The following SRSF6 variants were observed in gnomAD, a reference collection of about 807,000 sequenced individuals.
SRSF6 encodes serine and arginine rich splicing factor 6.
A neutral mutation model predicts 42.0 loss-of-function variants in SRSF6; 17 were observed. The ratio of observed to expected loss-of-function variants is 0.40; its 90% CI spans 0.28 to 0.61. The LOEUF (loss-of-function observed/expected upper bound fraction) is 0.61, where lower values mean the gene tolerates loss of function less well. Among genes scored for constraint, SRSF6 ranks in the 20% least tolerant of loss-of-function variants. The pLI, the probability that SRSF6 is intolerant of heterozygous loss-of-function variation, is 0.37. For missense variants in SRSF6, 379 were observed against 471.4 expected (o/e 0.80, Z 1.81); for synonymous variants, 204 against 166.7 (o/e 1.22, Z -1.72).
Position 43,462,598 on chromosome 20 carries a change from C to A in SRSF6, c.*1535C>A, listed in dbSNP as rs914172165. Reference sequence around the variant, plus strand: ...ATATTCTAGGGTTGGTTTGTAGATTCAAATAATCCAGAAATATACCTAATA... The same window carrying A: ...ATATTCTAGGGTTGGTTTGTAGATTAAAATAATCCAGAAATATACCTAATA... On this transcript the variant is annotated 3_prime_UTR_variant, in exon 6 of 6. Transcript: ENST00000244020. 1.3e-5 allele frequency: 2 copies of A among 152,026 alleles called. No homozygotes were observed. Among genetic ancestry groups the A allele is most frequent in the Non-Finnish European group, 2.9e-5 (2 of 68,012 alleles). 9.4% of individuals were successfully genotyped at this position (152,026 alleles called of 1,614,324 possible). A position where few individuals can be genotyped will look rare whatever the true frequency, so the allele number is the denominator to read the frequency against.
Position 43,463,118 on chromosome 20 carries a change from A to AC in SRSF6, c.*2055_*2056insC, listed in dbSNP as rs2017632420. The AC allele has an allele frequency of 6.5e-6, 1 of 152,760 alleles. No homozygotes were observed. The allele number at this position is 152,760 out of a possible 1,614,324, so 9.5% of individuals were successfully genotyped here. A position where few individuals can be genotyped will look rare whatever the true frequency, so the allele number is the denominator to read the frequency against. On this transcript the variant is annotated 3_prime_UTR_variant, in exon 6 of 6. Transcript: ENST00000244020. Reference sequence around the variant, plus strand: ...TCTTGTTAATAGGACATCATATGGTAATAGACTGGTTTGACTATATTGTTA... The same window carrying AC: ...TCTTGTTAATAGGACATCATATGGTACATAGACTGGTTTGACTATATTGTTA...
intron 2 of SRSF6, 120 bp from the exon 3 acceptor site, chr20:43,459,651 C>G: frequency 6.7e-7 from 1 of 1,494,486 alleles, no homozygotes; most frequent in African/African-American, 1.4e-5. Flanking sequence ...GAAGGTTTAG[C>G]AATATAATAG....
chr20:43,459,215 T>C (rs1337855257), intron 2 of SRSF6: 1 of 1,352,170 alleles, frequency 7.4e-7, no homozygotes, highest in South Asian at 1.1e-5. Context: ...TGATTGGCCT[T>C]GGCTTTTCCA....
chr20:43,460,200 A>G lies in SRSF6; in HGVS notation c.549A>G (p.Pro183=). 3.1e-6 allele frequency: 5 copies of G among 1,614,078 alleles called. No individual in the cohort carries two copies. The highest frequency in any genetic ancestry group is 3.4e-6 in the Non-Finnish European group (4 of 1,179,964). ...GRNIRLIEDK[P]RTSHRRSYSG... ...ATATTAGGCTTATTGAAGATAAGCC[A>G]CGCACAAGCCATAGGCGATCTTACT... The change falls in exon 4 of 6, where the codon CCA becomes CCG. Residue 183 remains proline (P), a synonymous_variant. Coordinates refer to ENST00000244020, the MANE Select transcript of SRSF6 (RefSeq NM_006275.6).
intron 2 of SRSF6, chr20:43,459,532 A>G (rs1299049446): frequency 1.5e-6 from 2 of 1,335,214 alleles, no homozygotes; most frequent in African/African-American, 3.0e-5. Context: ...AGCGAGGTAA[A>G]TCGAATAAAG....
intron 2 of SRSF6, 85 bp from the exon 3 acceptor site, chr20:43,459,682 TAAAA>T: frequency 1.9e-6 from 3 of 1,589,538 alleles, no homozygotes; most frequent in Non-Finnish European, 2.6e-6. Context: ...CTCCAGTAAA[TAAAA>T]GTTGATATGT....
chr20:43,458,585 C>G (rs2017538201), intron 2 of SRSF6, 76 bp downstream of exon 2: 2 of 1,374,686 alleles, frequency 1.5e-6, no homozygotes, highest in Non-Finnish European at 1.9e-6. Flanking sequence ...GCCTCCCAGC[C>G]CGGGCAGGCG....
rs1345780353 is a variant in SRSF6 at position 43,463,916 on chromosome 20, C to T, written c.*2853C>T. ...AAATACAATTTTATTTACAAATATA[C>T]ATGGTTGGACCATACCTTGGAATCT... is the stretch of plus-strand genomic sequence containing the variant. On this transcript the variant is annotated 3_prime_UTR_variant, in exon 6 of 6. Coordinates refer to ENST00000244020, the MANE Select transcript of SRSF6 (RefSeq NM_006275.6). The T allele has an allele frequency of 6.6e-6, 1 of 152,220 alleles. No homozygotes were observed. Among genetic ancestry groups the T allele is most frequent in the African/African-American group, 2.4e-5 (1 of 41,460 alleles). 9.4% of individuals were successfully genotyped at this position (152,220 alleles called of 1,614,324 possible).
chr20:43,459,645 G>T (rs2017552127), intron 2 of SRSF6, 126 bp from the exon 3 acceptor site: 22 of 1,482,642 alleles, frequency 1.5e-5, no homozygotes, highest in Non-Finnish European at 2.0e-5. Context: ...TGTGTCGAAG[G>T]TTTAGCAATA....
rs535363791 is a variant in SRSF6, at chr20:43,462,461, C to G, written c.*1398C>G. The G allele has an allele frequency of 2.0e-5, 3 of 152,284 alleles. No homozygotes were observed. In the South Asian group the frequency reaches 6.2e-4, roughly 32 times the overall value. The allele number at this position is 152,284 out of a possible 1,614,324, so 9.4% of individuals were successfully genotyped here. On this transcript the variant is annotated 3_prime_UTR_variant, in exon 6 of 6. Transcript: ENST00000244020. Reference sequence around the variant, plus strand: ...AAATCAAAATATAGATTAATTGGCTCAGCTTTAATACCTTTCTAGGAGGTG... The same window carrying G: ...AAATCAAAATATAGATTAATTGGCTGAGCTTTAATACCTTTCTAGGAGGTG...
chr20:43,458,494 A>G lies in SRSF6; in HGVS notation c.241A>G (p.Ser81Gly), dbSNP rs1395617711. 2.7e-6 allele frequency: 4 copies of G among 1,506,560 alleles called. No individual in the cohort carries two copies. Among genetic ancestry groups the G allele is most frequent in the Non-Finnish European group, 3.5e-6 (4 of 1,133,692 alleles). 93.3% of individuals were successfully genotyped at this position (1,506,560 alleles called of 1,614,324 possible). A position where few individuals can be genotyped will look rare whatever the true frequency, so the allele number is the denominator to read the frequency against. The part of the protein sequence containing the change: ...RGPRRDRDGY[S>G]YGSRSGGGGY... ...CCCGCGTCGCGATCGCGACGGCTACAGCTACGGAAGCCGCAGTGAGTCCCA... is the reference window on the plus strand; with the variant it reads ...CCCGCGTCGCGATCGCGACGGCTACGGCTACGGAAGCCGCAGTGAGTCCCA... Residue 81 changes from serine to glycine, a missense_variant, in exon 2 of 6, where the codon AGC (serine) becomes GGC (glycine). Coordinates refer to ENST00000244020, the MANE Select transcript of SRSF6 (RefSeq NM_006275.6).
chr20:43,457,956 C>A lies in SRSF6; in HGVS notation c.-78C>A. 6 of 1,253,706 alleles carry A rather than the reference C, an allele frequency of 4.8e-6. No homozygotes were observed. The highest frequency in any genetic ancestry group is 6.8e-6 in the Non-Finnish European group (6 of 877,130). 77.7% of individuals were successfully genotyped at this position (1,253,706 alleles called of 1,614,324 possible). A position where few individuals can be genotyped will look rare whatever the true frequency, so the allele number is the denominator to read the frequency against. ...AGGCGCGTGTTCGGGCTCTTGCCGT[C>A]CCCGCACCCGCACCGCGGTTACTGG... On this transcript the variant is annotated 5_prime_UTR_variant, in exon 1 of 6. Coordinates refer to ENST00000244020, the MANE Select transcript of SRSF6 (RefSeq NM_006275.6).
chr20:43,460,247 T>G lies in SRSF6; in HGVS notation c.590+6T>G, dbSNP rs757884686. Reference sequence around the variant, plus strand: ...TACTCTGGAAGCAGATCCAGGTAACTTGTTGAAGGACACTGTGGGAAGGAA... The same window carrying G: ...TACTCTGGAAGCAGATCCAGGTAACGTGTTGAAGGACACTGTGGGAAGGAA... On this transcript the variant is annotated splice_donor_region_variant and intron_variant, in intron 4 of 5. Transcript: ENST00000244020. 3.7e-6 allele frequency: 6 copies of G among 1,613,820 alleles called. No individual in the cohort carries two copies. In the South Asian group the frequency reaches 6.6e-5, roughly 18 times the overall value.
chr20:43,460,346 AGTTTGTTT>A, intron 4 of SRSF6, 105 bp downstream of exon 4: 1 of 1,417,224 alleles, frequency 7.1e-7, no homozygotes, highest in Non-Finnish European at 9.8e-7. Context: ...GCCAGCTTTT[AGTTTGTTT>A]TGGCTGTGCA....
chr20:43,458,436 C>T lies in SRSF6; in HGVS notation c.183C>T (p.Cys61=), dbSNP rs1375795295. The T allele has an allele frequency of 6.5e-7, 1 of 1,538,072 alleles. No individual in the cohort carries two copies. Among genetic ancestry groups the T allele is most frequent in the Non-Finnish European group, 8.7e-7 (1 of 1,146,568 alleles). The change falls in exon 2 of 6, where the codon TGC becomes TGT. Residue 61 remains cysteine (C), a synonymous_variant. Coordinates refer to ENST00000244020, the MANE Select transcript of SRSF6 (RefSeq NM_006275.6). The part of the protein sequence containing the change: ...AVYELNGKEL[C]GERVIVEHAR... Reference sequence around the variant, plus strand: ...ACGAGCTGAACGGCAAGGAGCTCTGCGGCGAGCGCGTGATCGTAGAGCACG... The same window carrying T: ...ACGAGCTGAACGGCAAGGAGCTCTGTGGCGAGCGCGTGATCGTAGAGCACG...
In SRSF6 at chr20:43,458,433, C is replaced by G. The variant is rs1175481920; in HGVS notation, c.180C>G (p.Leu60=). The change falls in exon 2 of 6, where the codon CTC becomes CTG. Residue 60 remains leucine, a synonymous_variant. Coordinates refer to ENST00000244020, the MANE Select transcript of SRSF6 (RefSeq NM_006275.6). ...TTTACGAGCTGAACGGCAAGGAGCTCTGCGGCGAGCGCGTGATCGTAGAGC... is the reference window on the plus strand; with the variant it reads ...TTTACGAGCTGAACGGCAAGGAGCTGTGCGGCGAGCGCGTGATCGTAGAGC... ...DAVYELNGKE[L]CGERVIVEHA... The G allele has an allele frequency of 6.5e-7, 1 of 1,540,358 alleles. No individual in the cohort carries two copies. The highest frequency in any genetic ancestry group is 1.4e-5 in the African/African-American group (1 of 69,580).
In SRSF6 at chr20:43,458,020, C is replaced by A; in HGVS notation, c.-14C>A. 6.2e-7 allele frequency: 1 copy of A among 1,606,612 alleles called. No individual in the cohort carries two copies. Among genetic ancestry groups the A allele is most frequent in the Non-Finnish European group, 8.5e-7 (1 of 1,176,790 alleles). On this transcript the variant is annotated 5_prime_UTR_variant, in exon 1 of 6. Coordinates refer to ENST00000244020, the MANE Select transcript of SRSF6 (RefSeq NM_006275.6). ...GTTCGACAACCAGCCCTTGGGTCCC[C>A]GCCCGCCACGGACATGCCGCGCGTC... is the stretch of plus-strand genomic sequence containing the variant.
intron 4 of SRSF6, 129 bp from the exon 5 acceptor site, chr20:43,460,386 G>A: frequency 8.1e-7 from 1 of 1,230,756 alleles, no homozygotes; most frequent in Non-Finnish European, 1.2e-6. Flanking sequence ...TTTTCTGGAT[G>A]TTTTGAACAG....
intron 2 of SRSF6, 80 bp from the exon 3 acceptor site, chr20:43,459,691 A>G: frequency 3.8e-6 from 6 of 1,592,574 alleles, no homozygotes; most frequent in Admixed American, 1.7e-5. Context: ...ATAAAAGTTG[A>G]TATGTTTGTA....
Sources: gnomAD v4.1 joint callset for allele counts on GRCh38, gnomAD v4.1.1 for gene constraint, MANE v1.5 for transcripts, NCBI Gene and HGNC (gene_info 2026-07-23, HGNC 2026-07-21) for gene names.